LNP1: variants seen among roughly 807,000 people sequenced by gnomAD.
LNP1 encodes the protein leukemia NUP98 fusion partner 1.
LNP1 carries 12 observed loss-of-function variants against 14.5 expected under a neutral mutation model. That is an observed-to-expected ratio of 0.83 (90% CI 0.53 to 1.34). LNP1 has a LOEUF of 1.34. LNP1 is among the 40% of genes most tolerant of loss of function. The pLI is 0.00. For synonymous variants in LNP1, 75 were observed against 71.4 expected, an observed-to-expected ratio of 1.05 and a Z score of -0.26; for missense variants, 198 against 210.9, an observed-to-expected ratio of 0.94 and a Z score of 0.38.
intron 2 of LNP1, among the ~76,000 whole-genome samples, chr3:100,445,209 T>A (rs1269997506): frequency 6.6e-6 from 1 of 152,180 alleles, no homozygotes; most frequent in African/African-American, 2.4e-5. Flanking sequence ...AGGCAGAGGT[T>A]GCAGTGAGCT....
intron 1 of LNP1, among the ~76,000 whole-genome samples, chr3:100,417,885 CT>C: frequency 6.6e-6 from 1 of 151,744 alleles, no homozygotes; most frequent in Non-Finnish European, 1.5e-5. Context: ...TTAAAATAAT[CT>C]TTTTTTATCT....
chr3:100,421,362 C>T (rs1273323972), intron 1 of LNP1, among the ~76,000 whole-genome samples: 2 of 152,166 alleles, frequency 1.3e-5, no homozygotes, highest in East Asian at 3.8e-4. Flanking sequence ...CAAATTCCAC[C>T]TATTTAAATG....
intron 3 of LNP1, among the ~76,000 whole-genome samples, chr3:100,455,359 A>G (rs1707500596): frequency 6.6e-6 from 1 of 152,202 alleles, no homozygotes; most frequent in Non-Finnish European, 1.5e-5. Context: ...CCTCACATTA[A>G]AATTTAGTGC....
At chr3:100,432,206 A>G (rs1421968812) in intron 2 of LNP1, among the ~76,000 whole-genome samples, 1 of 151,400 alleles carries the variant, frequency 6.6e-6, no homozygotes, top group Admixed American at 6.6e-5. Context: ...TTAATAATCT[A>G]TAACCATCAA....
chr3:100,418,040 T>A (rs993537470), intron 1 of LNP1, among the ~76,000 whole-genome samples: 11 of 151,600 alleles, frequency 7.3e-5, no homozygotes, highest in Non-Finnish European at 1.5e-4. Context: ...TTCTGTTTTG[T>A]TCTTTCATTT....
At position 100,451,866 on chromosome 3, in the gene LNP1, G is replaced by A; in HGVS notation, c.304G>A (p.Gly102Arg). ...GSFKEPLESK[G>R]RSHSKIEKFS... ...ATTCAAGGAGCCACTGGAATCAAAA[G>A]GAAGATCCCATTCCAAAATTGAGAA... is the stretch of plus-strand genomic sequence containing the variant. The change falls in exon 3 of 4, where the codon GGA (glycine) becomes AGA (arginine). Residue 102 changes from glycine (G) to arginine (R), a missense_variant. By Grantham distance (125) the Gly-to-Arg change is moderately radical. Transcript: ENST00000383693. The A allele has an allele frequency of 2.4e-6, 3 of 1,268,518 alleles. No individual in the cohort carries two copies. The highest frequency in any genetic ancestry group is 3.0e-6 in the Non-Finnish European group (3 of 993,218). The allele number at this position is 1,268,518 out of a possible 1,614,324, so 78.6% of individuals were successfully genotyped here. A position where few individuals can be genotyped will look rare whatever the true frequency, so the allele number is the denominator to read the frequency against.
intron 2 of LNP1, among the ~76,000 whole-genome samples, chr3:100,443,485 T>C (rs972460580): frequency 9.8e-5 from 15 of 152,286 alleles, no homozygotes; most frequent in African/African-American, 3.1e-4. Flanking sequence ...CTTTGTTCCA[T>C]AGAAGGAATC....
At chr3:100,414,479 AGAGGTTGCAGTGAGCC>A (rs1325183789) in intron 1 of LNP1, among the ~76,000 whole-genome samples, 1 of 151,970 alleles carries the variant, frequency 6.6e-6, no homozygotes, top group Non-Finnish European at 1.5e-5. Flanking sequence ...CCTGGGAGGC[AGAGGTTGCAGTGAGCC>A]GAGATCGCAC....
At position 100,404,622 on chromosome 3, in the gene LNP1, C is replaced by T. The variant is rs905772107; in HGVS notation, c.-34+2183C>T. On this transcript the variant is annotated intron_variant, in intron 1 of 3. Transcript: ENST00000383693. ...AAAGTAAATCTCATTGCTTCAGGTA[C>T]CATTTCTGTGCAGATAATCACTGTC... 2.0e-5 allele frequency among the ~76,000 whole-genome samples: 3 copies of T among 152,106 alleles called. No homozygotes were observed. In the South Asian group the frequency reaches 6.2e-4, roughly 32 times the overall value.
intron 2 of LNP1, among the ~76,000 whole-genome samples, chr3:100,431,117 A>G (rs762729616): frequency 1.3e-4 from 20 of 152,366 alleles, no homozygotes; most frequent in Admixed American, 5.2e-4. Flanking sequence ...TCCAGTTTCC[A>G]GATGTGAGAA....
At chr3:100,449,248 CTT>C (rs35361069) in intron 2 of LNP1, among the ~76,000 whole-genome samples, 83 of 148,110 alleles carry the variant, frequency 5.6e-4, no homozygotes, top group South Asian at 4.0e-3. Flanking sequence ...TGCACTTAAA[CTT>C]TTTTTTTTTT....
At chr3:100,422,776 C>T (rs1707156725) in intron 1 of LNP1, among the ~76,000 whole-genome samples, 1 of 140,858 alleles carries the variant, frequency 7.1e-6, no homozygotes. Flanking sequence ...AGGCAAATCT[C>T]TGAAAACATA....
At chr3:100,406,942 T>G (rs1270045164) in intron 1 of LNP1, among the ~76,000 whole-genome samples, 1 of 152,224 alleles carries the variant, frequency 6.6e-6, no homozygotes, top group Admixed American at 6.5e-5. Flanking sequence ...CACATACACA[T>G]GCAAACTACA....
chr3:100,414,030 C>A (rs1463634858), intron 1 of LNP1, among the ~76,000 whole-genome samples: 2 of 151,294 alleles, frequency 1.3e-5, no homozygotes, highest in Non-Finnish European at 2.9e-5. Context: ...ACATTCAAAG[C>A]TGCAAAAAAA....
chr3:100,405,404 TAC>T (rs1706956260), intron 1 of LNP1, among the ~76,000 whole-genome samples: 1 of 152,212 alleles, frequency 6.6e-6, no homozygotes, highest in Admixed American at 6.5e-5. Flanking sequence ...CCCATCTTAG[TAC>T]AGGCTGCTAT....
At chr3:100,406,093 C>T (rs887220062) in intron 1 of LNP1, among the ~76,000 whole-genome samples, 8 of 152,174 alleles carry the variant, frequency 5.3e-5, no homozygotes, top group Non-Finnish European at 1.2e-4. Context: ...CAAGATCAGG[C>T]TGACCAACAT....
intron 2 of LNP1, among the ~76,000 whole-genome samples, chr3:100,449,584 C>T (rs1012471219): frequency 6.6e-6 from 1 of 151,962 alleles, no homozygotes; most frequent in Non-Finnish European, 1.5e-5. Flanking sequence ...GTTCAATCAA[C>T]TGAGAAGAAA....
intron 1 of LNP1, among the ~76,000 whole-genome samples, chr3:100,420,146 C>T (rs1055671945): frequency 2.0e-5 from 3 of 152,088 alleles, no homozygotes; most frequent in African/African-American, 7.2e-5. Flanking sequence ...ACATCTTTTC[C>T]TGTACTTATT....
chr3:100,406,189 G>A (rs1401566735), intron 1 of LNP1, among the ~76,000 whole-genome samples: 2 of 152,130 alleles, frequency 1.3e-5, no homozygotes, highest in Non-Finnish European at 2.9e-5. Context: ...AGGAGGCTGA[G>A]GCAGGAGAAT....
Sources: allele counts gnomAD v4.1 joint callset (sites outside exome capture counted in the v4.1 genomes callset), GRCh38; gene constraint gnomAD v4.1.1; transcripts MANE v1.5; gene names NCBI Gene and HGNC (gene_info 2026-07-23, HGNC 2026-07-21).